GALNT16: variants seen among roughly 807,000 people sequenced by gnomAD.
GALNT16 encodes UDP-GalNAc:polypeptide N-acetylgalactosaminyltransferase-like protein 1.
A neutral mutation model predicts 76.1 loss-of-function variants in GALNT16; 40 were observed. The ratio of observed to expected loss-of-function variants is 0.53; its 90% CI spans 0.41 to 0.68. The LOEUF (loss-of-function observed/expected upper bound fraction) is 0.68, where lower values mean the gene tolerates loss of function less well. Ranked by LOEUF, GALNT16 falls within the 30% of genes least tolerant of loss-of-function variation. GALNT16 has a pLI of 0.00. For synonymous variants in GALNT16, 276 were observed against 285.2 expected, an observed-to-expected ratio of 0.97 and a Z score of 0.32; for missense variants, 621 against 731.9, an observed-to-expected ratio of 0.85 and a Z score of 1.75.
At chr14:69,269,377 G>A (rs1042819056) in intron 1 of GALNT16, among the ~76,000 whole-genome samples, 8 of 68,312 alleles carry the variant, frequency 1.2e-4, no homozygotes, top group East Asian at 2.5e-3. Context: ...TATATGGGGC[G>A]CACGTGTGTG....
chr14:69,260,034 G>A (rs927783521), upstream of GALNT16: 15 of 385,024 alleles, frequency 3.9e-5, no homozygotes, highest in Non-Finnish European at 7.1e-5. Context: ...GCGCGGGGCC[G>A]GCCCTGCGCA....
chr14:69,329,129 G>C (rs147785984), intron 6 of GALNT16, among the ~76,000 whole-genome samples: 43 of 152,318 alleles, frequency 2.8e-4, no homozygotes, highest in African/African-American at 9.9e-4. Context: ...AGGCCGGGGA[G>C]GGCAGATCAC....
At chr14:69,378,219 C>T in the GALNT16 span, among the ~76,000 whole-genome samples, 2 of 152,202 alleles carry the variant, frequency 1.3e-5, no homozygotes, top group Non-Finnish European at 2.9e-5. Context: ...TCTTTTTATA[C>T]TCCTGGGACC....
At chr14:69,343,588 G>A (rs910384805) in intron 12 of GALNT16, among the ~76,000 whole-genome samples, 1 of 152,220 alleles carries the variant, frequency 6.6e-6, no homozygotes, top group Non-Finnish European at 1.5e-5. Context: ...ACTTCTAGGG[G>A]ACAGTGTTCA....
intron 1 of GALNT16, among the ~76,000 whole-genome samples, chr14:69,319,889 AG>A (rs1476576222): frequency 2.6e-5 from 4 of 152,348 alleles, no homozygotes; most frequent in East Asian, 1.9e-4. Flanking sequence ...CTGTCCTTAC[AG>A]GTAGTTCTTT....
intron 1 of GALNT16, among the ~76,000 whole-genome samples, chr14:69,264,715 G>A (rs550189644): frequency 1.1e-4 from 17 of 152,120 alleles, no homozygotes; most frequent in African/African-American, 3.9e-4. Context: ...GAGAAAGAGA[G>A]TGAGGAGGAA....
intron 3 of GALNT16, among the ~76,000 whole-genome samples, chr14:69,325,009 G>A (rs1346901308): frequency 4.6e-5 from 7 of 152,212 alleles, no homozygotes; most frequent in African/African-American, 1.7e-4. Context: ...TCCAGGACAA[G>A]GGCAGAAATG....
the GALNT16 span, among the ~76,000 whole-genome samples, chr14:69,366,400 C>T: frequency 1.3e-5 from 2 of 152,188 alleles, no homozygotes; most frequent in Non-Finnish European, 2.9e-5. Flanking sequence ...AGATCCTCTG[C>T]GTGCTTCCCC....
At chr14:69,283,074 A>G (rs1319669329) in intron 1 of GALNT16, among the ~76,000 whole-genome samples, 1 of 152,248 alleles carries the variant, frequency 6.6e-6, no homozygotes, top group Non-Finnish European at 1.5e-5. Context: ...GTACCACCAT[A>G]TCAGCACCTG....
At chr14:69,335,609 G>A (rs764915162) in intron 9 of GALNT16, among the ~76,000 whole-genome samples, 8 of 152,182 alleles carry the variant, frequency 5.3e-5, no homozygotes, top group Non-Finnish European at 1.2e-4. Context: ...CAAGGGCTCC[G>A]TGGTTGGAGA....
chr14:69,316,629 A>G (rs1432186903), intron 1 of GALNT16, among the ~76,000 whole-genome samples: 1 of 152,152 alleles, frequency 6.6e-6, no homozygotes, highest in Non-Finnish European at 1.5e-5. Flanking sequence ...AGGGCCCTGC[A>G]GGCCCTACAC....
rs528255212 is a variant in GALNT16 at position 69,315,681 on chromosome 14, G to A, written c.178-5030G>A. 2.2e-3 allele frequency among the ~76,000 whole-genome samples: 334 copies of A among 152,310 alleles called. 1 individual carries two copies. Among genetic ancestry groups the A allele is most frequent in the Non-Finnish European group, 4.1e-3 (279 of 68,022 alleles). On this transcript the variant is annotated intron_variant, in intron 1 of 14. Transcript: ENST00000448469. ...TGTCATTGTTGTCAGTGACTCACTT[G>A]TTGGGTTTTGGGTTTGACTTTGTTT...
chr14:69,378,534 C>A, the GALNT16 span, among the ~76,000 whole-genome samples: 1 of 152,148 alleles, frequency 6.6e-6, no homozygotes, highest in African/African-American at 2.4e-5. Context: ...CACAAAAAGG[C>A]TACTTTAGGC....
At chr14:69,376,453 A>G in the GALNT16 span, among the ~76,000 whole-genome samples, 1 of 152,164 alleles carries the variant, frequency 6.6e-6, no homozygotes, top group Admixed American at 6.5e-5. Flanking sequence ...TTAATGAGTT[A>G]AGACCATTTA....
At chr14:69,267,084 A>C (rs941059405) in intron 1 of GALNT16, among the ~76,000 whole-genome samples, 1 of 152,134 alleles carries the variant, frequency 6.6e-6, no homozygotes, top group African/African-American at 2.4e-5. Context: ...TTTCCAGGTT[A>C]CCTGTCCTGT....
chr14:69,303,578 G>T (rs565889077), intron 1 of GALNT16, among the ~76,000 whole-genome samples: 11 of 152,258 alleles, frequency 7.2e-5, no homozygotes, highest in Non-Finnish European at 1.3e-4. Context: ...AGTCTGAAAA[G>T]ATTTTTTCCC....
intron 1 of GALNT16, among the ~76,000 whole-genome samples, chr14:69,284,504 G>A (rs1478734674): frequency 6.6e-6 from 1 of 152,130 alleles, no homozygotes; most frequent in African/African-American, 2.4e-5. Flanking sequence ...AATGCTCCCG[G>A]GTGGAAAACT....
intron 1 of GALNT16, among the ~76,000 whole-genome samples, chr14:69,313,468 T>G (rs1218142297): frequency 6.6e-6 from 1 of 152,182 alleles, no homozygotes; most frequent in East Asian, 1.9e-4. Flanking sequence ...TGGCCTAGCC[T>G]TAGGTAGAGG....
chr14:69,305,445 G>A (rs879736344), intron 1 of GALNT16, among the ~76,000 whole-genome samples: 6 of 152,144 alleles, frequency 3.9e-5, no homozygotes, highest in Admixed American at 6.6e-5. Context: ...TTATAGGTGT[G>A]AGCCACTGCG....
Sources: gnomAD v4.1 joint callset for allele counts (sites outside exome capture counted in the v4.1 genomes callset) on GRCh38, gnomAD v4.1.1 for gene constraint, MANE v1.5 for transcripts, NCBI Gene and HGNC (gene_info 2026-07-23, HGNC 2026-07-21) for gene names.